Variants in SERGEF observed in about 807,000 individuals in gnomAD.
The protein encoded by SERGEF is secretion regulating guanine nucleotide exchange factor, also known as secretion-regulating guanine nucleotide exchange factor.
In SERGEF, 51 loss-of-function variants were observed where a neutral mutation model predicts 50.0. That is an observed-to-expected ratio of 1.02 (90% CI 0.81 to 1.29). The LOEUF is 1.29. Among genes scored for constraint, SERGEF ranks in the 50% most tolerant of loss-of-function variants. The probability of loss-of-function intolerance (pLI) is 0.00; values close to 1 mark genes in which losing one functional copy is unlikely to be tolerated. For missense variants in SERGEF, 521 were observed against 557.0 expected (o/e 0.94, Z 0.65); for synonymous variants, 205 against 212.4 (o/e 0.97, Z 0.30).
At chr11:17,792,839 A>C (rs1357773793) in intron 10 of SERGEF, among the ~76,000 whole-genome samples, 2 of 152,196 alleles carry the variant, frequency 1.3e-5, no homozygotes, top group African/African-American at 4.8e-5. Flanking sequence ...TATAAGGGGC[A>C]GATAGGAAAT....
At chr11:17,839,021 A>G (rs1244402691) in intron 10 of SERGEF, among the ~76,000 whole-genome samples, 1 of 152,254 alleles carries the variant, frequency 6.6e-6, no homozygotes, top group Non-Finnish European at 1.5e-5. Context: ...CCTGCCCTAC[A>G]GAGCCCACAG....
intron 10 of SERGEF, among the ~76,000 whole-genome samples, chr11:17,807,281 C>T (rs1849776858): frequency 6.6e-6 from 1 of 152,218 alleles, no homozygotes; most frequent in Admixed American, 6.5e-5. Flanking sequence ...GATGAGCTGC[C>T]CCGGCAGTGC....
At chr11:17,921,290 AT>A (rs1278635540) in intron 9 of SERGEF, among the ~76,000 whole-genome samples, 2 of 152,348 alleles carry the variant, frequency 1.3e-5, no homozygotes, top group African/African-American at 4.8e-5. Context: ...GTCATTTATG[AT>A]GAGTCAGTCC....
intron 10 of SERGEF, chr11:17,856,438 C>T (rs1850820103): frequency 6.6e-6 from 1 of 152,108 alleles, no homozygotes; most frequent in South Asian, 2.1e-4. Flanking sequence ...TGAAATGGTC[C>T]CCTTCTATGC....
At chr11:17,896,043 A>G (rs1040944048) in intron 9 of SERGEF, among the ~76,000 whole-genome samples, 1 of 152,222 alleles carries the variant, frequency 6.6e-6, no homozygotes, top group Non-Finnish European at 1.5e-5. Flanking sequence ...GTGTGTGGTG[A>G]ACAAAAAATC....
chr11:17,827,128 C>T (rs1465552805), intron 10 of SERGEF, among the ~76,000 whole-genome samples: 1 of 152,198 alleles, frequency 6.6e-6, no homozygotes, highest in Non-Finnish European at 1.5e-5. Flanking sequence ...GGTCAGATAT[C>T]CATCTTCTTG....
intron 10 of SERGEF, among the ~76,000 whole-genome samples, chr11:17,873,816 GA>G (rs1851194489): frequency 6.6e-6 from 1 of 152,192 alleles, no homozygotes; most frequent in African/African-American, 2.4e-5. Context: ...AGGGAGAGAG[GA>G]AACGCAGTCA....
At chr11:17,841,030 T>G (rs1378599478) in intron 10 of SERGEF, among the ~76,000 whole-genome samples, 1 of 152,222 alleles carries the variant, frequency 6.6e-6, no homozygotes, top group African/African-American at 2.4e-5. Flanking sequence ...CTCCCCAGAC[T>G]GTTCCTGTTC....
At chr11:17,980,386 T>C (rs1214798237) in intron 8 of SERGEF, among the ~76,000 whole-genome samples, 1 of 152,170 alleles carries the variant, frequency 6.6e-6, no homozygotes. Flanking sequence ...GCAAGTGACT[T>C]GTCAAGGACA....
At chr11:17,802,356 A>T (rs1287651963) in intron 10 of SERGEF, among the ~76,000 whole-genome samples, 1 of 151,858 alleles carries the variant, frequency 6.6e-6, no homozygotes, top group Admixed American at 6.6e-5. Flanking sequence ...TCCCTGCATG[A>T]CTATACATGT....
At chr11:17,835,516 T>A (rs1271013062) in intron 10 of SERGEF, among the ~76,000 whole-genome samples, 2 of 152,102 alleles carry the variant, frequency 1.3e-5, no homozygotes, top group African/African-American at 4.8e-5. Flanking sequence ...TGGGTCAGAG[T>A]CAAGCATGTA....
At chr11:18,004,094 G>A (rs1854022755) in intron 4 of SERGEF, among the ~76,000 whole-genome samples, 1 of 152,130 alleles carries the variant, frequency 6.6e-6, no homozygotes, top group Non-Finnish European at 1.5e-5. Flanking sequence ...GCCTAGCTTA[G>A]TGTCTTTCGA....
chr11:17,816,120 G>C (rs1036941480), intron 10 of SERGEF, among the ~76,000 whole-genome samples: 2 of 152,146 alleles, frequency 1.3e-5, no homozygotes. Context: ...TGCTCAGGTA[G>C]AGCAAATGAA....
At chr11:17,906,475 G>A (rs1050833817) in intron 9 of SERGEF, among the ~76,000 whole-genome samples, 7 of 151,956 alleles carry the variant, frequency 4.6e-5, no homozygotes, top group Non-Finnish European at 1.0e-4. Flanking sequence ...ACAATCACCT[G>A]CAAAGGGGGT....
chr11:18,012,879 CGCCGCG>C (rs1215584781), intron 1 of SERGEF, 66 bp downstream of exon 1: 1 of 1,529,086 alleles, frequency 6.5e-7, no homozygotes, highest in Non-Finnish European at 8.7e-7. Flanking sequence ...GAACTGCCCA[CGCCGCG>C]GCCAGCAGCT....
chr11:17,884,288 G>A lies in SERGEF; in HGVS notation c.1012-6044C>T, dbSNP rs1006460823. Among the ~76,000 whole-genome samples, 3 of 152,212 alleles carry A rather than the reference G, an allele frequency of 2.0e-5. No homozygotes were observed. The highest frequency in any genetic ancestry group is 4.4e-5 in the Non-Finnish European group (3 of 68,040). ...ACGGTACTGGGTTATGCTCTGTGCC[G>A]CACTGCGAGCCCTTGGCGGGCACAG... On this transcript the variant is annotated intron_variant, in intron 9 of 10. Coordinates refer to ENST00000265965, the MANE Select transcript of SERGEF (RefSeq NM_012139.4). The surrounding 1 kb of genome is among the most constrained non-coding windows in gnomAD (Gnocchi z 4.6).
intron 10 of SERGEF, among the ~76,000 whole-genome samples, chr11:17,868,568 C>T (rs1851074704): frequency 6.6e-6 from 1 of 152,192 alleles, no homozygotes; most frequent in Non-Finnish European, 1.5e-5. Flanking sequence ...TACCCAGTTC[C>T]AAAGTCGCAC....
intron 8 of SERGEF, among the ~76,000 whole-genome samples, chr11:17,976,363 G>A (rs1853371915): frequency 6.6e-6 from 1 of 151,832 alleles, no homozygotes; most frequent in Non-Finnish European, 1.5e-5. Flanking sequence ...TTGGCTCTCT[G>A]CAACCTCTGC....
At chr11:17,862,693 T>A (rs140036109) in intron 10 of SERGEF, among the ~76,000 whole-genome samples, 1 of 152,290 alleles carries the variant, frequency 6.6e-6, no homozygotes, top group African/African-American at 2.4e-5. Flanking sequence ...AGCTGAGGCC[T>A]GTGGATGCGG....
Sources: gnomAD v4.1 joint callset for allele counts (sites outside exome capture counted in the v4.1 genomes callset) on GRCh38, gnomAD v4.1.1 for gene constraint, Gnocchi (gnomAD v3.1) non-coding constraint, MANE v1.5 for transcripts, NCBI Gene and HGNC (gene_info 2026-07-23, HGNC 2026-07-21) for gene names.